Variants in KIRREL3 observed in about 807,000 individuals in gnomAD.
KIRREL3 encodes the protein kirre like nephrin family adhesion molecule 3, also known as kin of IRRE-like protein 3.
In KIRREL3, 36 loss-of-function variants were observed where a neutral mutation model predicts 89.7. That is an observed-to-expected ratio of 0.40 (90% CI 0.31 to 0.53). The LOEUF (loss-of-function observed/expected upper bound fraction) is 0.53. KIRREL3 is among the 20% of genes least tolerant of loss of function. The pLI is 0.49. For synonymous variants in KIRREL3, 445 were observed against 441.4 expected (o/e 1.01, Z -0.10); for missense variants, 864 against 1,056.6 (o/e 0.82, Z 2.53).
rs1950543095 is a variant in KIRREL3, at chr11:126,788,387, C to T, written c.55+212068G>A. On this transcript the variant is annotated intron_variant, in intron 1 of 16. Transcript: ENST00000525144. This position sits in a 1 kb window ranked among gnomAD's most constrained non-coding sequence, Gnocchi z 4.1. Reference sequence around the variant, plus strand: ...TTTGACATTTCTGCAGGGTCTGTGGCCCTTGGTTTTGAGACTGAGACAGGG... The same window carrying T: ...TTTGACATTTCTGCAGGGTCTGTGGTCCTTGGTTTTGAGACTGAGACAGGG... 6.6e-6 allele frequency among the ~76,000 whole-genome samples: 1 copy of T among 152,158 alleles called. No homozygotes were observed. Among genetic ancestry groups the T allele is most frequent in the Non-Finnish European group, 1.5e-5 (1 of 68,022 alleles).
intron 1 of KIRREL3, among the ~76,000 whole-genome samples, chr11:126,836,748 G>T (rs1943795009): frequency 6.6e-6 from 1 of 152,144 alleles, no homozygotes; most frequent in African/African-American, 2.4e-5. Flanking sequence ...TATCCAGGGG[G>T]ATGAAGCATG....
intron 1 of KIRREL3, among the ~76,000 whole-genome samples, chr11:126,681,559 G>A (rs11220581): frequency 2.0e-5 from 3 of 151,758 alleles, no homozygotes; most frequent in Admixed American, 6.5e-5. Flanking sequence ...ACTTGGGAGC[G>A]GGGGCTGTAG....
At position 126,576,842 on chromosome 11, in the gene KIRREL3, G is replaced by T. The variant is rs1339318368; in HGVS notation, c.56-13930C>A. On this transcript the variant is annotated intron_variant, in intron 1 of 16. Coordinates refer to ENST00000525144, the MANE Select transcript of KIRREL3 (RefSeq NM_032531.4). The surrounding 1 kb of genome is among the most constrained non-coding windows in gnomAD (Gnocchi z 5.4). ...GGCTCTCCCTACTGGAATGCAGAAGGAAGGACAAGAGATGAGCCTTTACTG... is the reference window on the plus strand; with the variant it reads ...GGCTCTCCCTACTGGAATGCAGAAGTAAGGACAAGAGATGAGCCTTTACTG... Among the ~76,000 whole-genome samples, 1 of 152,232 alleles carries T rather than the reference G, an allele frequency of 6.6e-6. No homozygotes were observed. Among genetic ancestry groups the T allele is most frequent in the African/African-American group, 2.4e-5 (1 of 41,468 alleles).
At chr11:126,494,249 C>T (rs1256600101) in intron 4 of KIRREL3, among the ~76,000 whole-genome samples, 1 of 152,194 alleles carries the variant, frequency 6.6e-6, no homozygotes, top group Non-Finnish European at 1.5e-5. Flanking sequence ...TTTTCCATTA[C>T]AGCCAGGAAA....
chr11:126,665,037 C>A (rs1414266221), intron 1 of KIRREL3, among the ~76,000 whole-genome samples: 1 of 152,208 alleles, frequency 6.6e-6, no homozygotes, highest in African/African-American at 2.4e-5. Flanking sequence ...CTTTATCCAG[C>A]TTGTATCCTC....
chr11:126,472,492 T>C (rs1366276523), intron 5 of KIRREL3, among the ~76,000 whole-genome samples: 2 of 152,120 alleles, frequency 1.3e-5, no homozygotes, highest in African/African-American at 4.8e-5. Context: ...TCCACCCCCA[T>C]GACCTGATCA....
intron 1 of KIRREL3, among the ~76,000 whole-genome samples, chr11:126,662,078 C>T (rs1000122319): frequency 6.6e-6 from 1 of 152,112 alleles, no homozygotes; most frequent in South Asian, 2.1e-4. Context: ...TGATTTTCCC[C>T]TAGTAGTTTT....
chr11:126,463,412 G>A lies in KIRREL3; in HGVS notation c.592-105C>T. ...ACCAGCTTAGACAGAAGGGGGAGCT[G>A]TGGATGGAGGGGTTCAGCTTAGGAG... On this transcript the variant is annotated intron_variant, in intron 5 of 16. Coordinates refer to ENST00000525144, the MANE Select transcript of KIRREL3 (RefSeq NM_032531.4). The surrounding 1 kb of genome is among the most constrained non-coding windows in gnomAD (Gnocchi z 5.9). 1 of 1,156,900 alleles carries A rather than the reference G, an allele frequency of 8.6e-7. No homozygotes were observed. The highest frequency in any genetic ancestry group is 1.5e-5 in the South Asian group (1 of 65,918). The allele number at this position is 1,156,900 out of a possible 1,614,324, so 71.7% of individuals were successfully genotyped here.
intron 1 of KIRREL3, among the ~76,000 whole-genome samples, chr11:126,913,335 C>T (rs978850676): frequency 6.6e-6 from 1 of 152,242 alleles, no homozygotes; most frequent in African/African-American, 2.4e-5. Context: ...GCTATTTAAC[C>T]TCCTCATCAC....
At chr11:126,820,070 A>T (rs939525) in intron 1 of KIRREL3, among the ~76,000 whole-genome samples, 1 of 151,946 alleles carries the variant, frequency 6.6e-6, no homozygotes, top group East Asian at 1.9e-4. Flanking sequence ...AGAGCACCTA[A>T]CAGATGCTAG....
chr11:126,921,485 G>A (rs1947286881), intron 1 of KIRREL3, among the ~76,000 whole-genome samples: 1 of 149,156 alleles, frequency 6.7e-6, no homozygotes, highest in Non-Finnish European at 1.5e-5. Context: ...CCATCTTCCT[G>A]TGTTCCTATC....
intron 1 of KIRREL3, among the ~76,000 whole-genome samples, chr11:126,735,393 A>T (rs570965489): frequency 3.9e-5 from 6 of 152,268 alleles, no homozygotes; most frequent in African/African-American, 7.2e-5. Flanking sequence ...AACTGGGGAG[A>T]CAGAGAAAGA....
rs909098905 is a variant in KIRREL3 at position 126,715,119 on chromosome 11, G to C, written c.56-152207C>G. Reference sequence around the variant, plus strand: ...CAAGCCTGTGACACTTTCACCTTGTGACAATGCCCAGACAACTAATAGAGT... The same window carrying C: ...CAAGCCTGTGACACTTTCACCTTGTCACAATGCCCAGACAACTAATAGAGT... On this transcript the variant is annotated intron_variant, in intron 1 of 16. Coordinates refer to ENST00000525144, the MANE Select transcript of KIRREL3 (RefSeq NM_032531.4). This position sits in a 1 kb window ranked among gnomAD's most constrained non-coding sequence, Gnocchi z 4.4. Among the ~76,000 whole-genome samples the C allele has an allele frequency of 6.6e-6, 1 of 152,192 alleles. No homozygotes were observed. The highest frequency in any genetic ancestry group is 1.5e-5 in the Non-Finnish European group (1 of 68,044).
chr11:126,813,261 G>A (rs751144497), intron 1 of KIRREL3, among the ~76,000 whole-genome samples: 3 of 152,172 alleles, frequency 2.0e-5, no homozygotes, highest in African/African-American at 4.8e-5. Context: ...TTTCCTTTGT[G>A]ACTGGGGCAT....
In KIRREL3 at chr11:126,424,434, CG is replaced by C. The variant is rs1954848153; in HGVS notation, c.*145del. ...CCAGATTTGTGCTTGATCAGAGCTT[CG>C]AAGGAAGGCAGTGGCAGAGGCGCTG... On this transcript the variant is annotated 3_prime_UTR_variant, in exon 17 of 17. Transcript: ENST00000525144. 1.8e-6 allele frequency: 1 copy of C among 556,148 alleles called. No homozygotes were observed. Among genetic ancestry groups the C allele is most frequent in the Non-Finnish European group, 3.0e-6 (1 of 331,872 alleles). The allele number at this position is 556,148 out of a possible 1,614,324, so 34.5% of individuals were successfully genotyped here.
chr11:126,975,270 A>G (rs1186442117), intron 1 of KIRREL3, among the ~76,000 whole-genome samples: 1 of 152,192 alleles, frequency 6.6e-6, no homozygotes, highest in Non-Finnish European at 1.5e-5. Context: ...CCAATTCAGC[A>G]AACCCCTTTA....
chr11:126,982,751 A>G (rs1195312427), intron 1 of KIRREL3, among the ~76,000 whole-genome samples: 1 of 152,162 alleles, frequency 6.6e-6, no homozygotes, highest in Non-Finnish European at 1.5e-5. Context: ...TAAGCCTCCT[A>G]CCCTGCAGCA....
At chr11:126,663,325 A>G (rs1298828812) in intron 1 of KIRREL3, among the ~76,000 whole-genome samples, 1 of 151,438 alleles carries the variant, frequency 6.6e-6, no homozygotes, top group Non-Finnish European at 1.5e-5. Flanking sequence ...AGCTGGGACT[A>G]CAGGTGCATG....
chr11:126,441,462 A>C lies in KIRREL3; in HGVS notation c.1253-913T>G, dbSNP rs1008685189. On this transcript the variant is annotated intron_variant, in intron 10 of 16. Transcript: ENST00000525144. The surrounding 1 kb of genome is among the most constrained non-coding windows in gnomAD (Gnocchi z 5.0). ...GTGAAAGACAAAAGAAGGAGCAGCTAGCTTAGCCTGGGCTCTGCTGGCTTC... is the reference window on the plus strand; with the variant it reads ...GTGAAAGACAAAAGAAGGAGCAGCTCGCTTAGCCTGGGCTCTGCTGGCTTC... Among the ~76,000 whole-genome samples the C allele has an allele frequency of 2.6e-4, 40 of 152,202 alleles. No homozygotes were observed. Among genetic ancestry groups the C allele is most frequent in the African/African-American group, 9.2e-4 (38 of 41,448 alleles).
Sources: gnomAD v4.1 joint callset for allele counts (sites outside exome capture counted in the v4.1 genomes callset) on GRCh38, gnomAD v4.1.1 for gene constraint, Gnocchi (gnomAD v3.1) non-coding constraint, MANE v1.5 for transcripts, NCBI Gene and HGNC (gene_info 2026-07-23, HGNC 2026-07-21) for gene names.